The following CTNNA2 variants were observed in gnomAD, a reference collection of about 807,000 sequenced individuals.
The protein encoded by CTNNA2 is catenin alpha 2.
Under a neutral mutation model 101.0 loss-of-function variants are expected in CTNNA2, and 42 were observed. The ratio of observed to expected loss-of-function variants is 0.42; its 90% confidence interval spans 0.32 to 0.54. CTNNA2 has a LOEUF of 0.54. CTNNA2 is among the 20% of genes least tolerant of loss of function. CTNNA2 has a pLI of 0.14. For synonymous variants in CTNNA2, 450 were observed against 456.4 expected, an observed-to-expected ratio of 0.99 and a Z score of 0.18; for missense variants, 871 against 1,223.1, an observed-to-expected ratio of 0.71 and a Z score of 4.29.
At chr2:80,535,563 G>T (rs1690938517) in intron 9 of CTNNA2, among the ~76,000 whole-genome samples, 1 of 152,132 alleles carries the variant, frequency 6.6e-6, no homozygotes, top group Non-Finnish European at 1.5e-5. Context: ...TAAACCCTGG[G>T]CTGCTTGACT....
intron 2 of CTNNA2, among the ~76,000 whole-genome samples, chr2:79,249,495 A>G (rs952161170): frequency 6.6e-6 from 1 of 152,268 alleles, no homozygotes; most frequent in African/African-American, 2.4e-5. Context: ...AAGATTACCA[A>G]CTTTCCCTGG....
intron 9 of CTNNA2, among the ~76,000 whole-genome samples, chr2:80,422,885 A>C: frequency 7.2e-6 from 1 of 139,234 alleles, no homozygotes; most frequent in African/African-American, 3.4e-5. Flanking sequence ...GAAAGGTTTA[A>C]AATCATATGA....
Position 79,751,420 on chromosome 2 carries a change from C to G in CTNNA2, c.298+6838C>G, listed in dbSNP as rs183650091. The stretch of plus-strand genomic sequence containing the variant: ...ACTAGCCTGACCAACATAGTGAAAC[C>G]CCGTCTCTACTAAAAATTCAAAATA... On this transcript the variant is annotated intron_variant, in intron 3 of 18. Coordinates refer to ENST00000402739, the MANE Select transcript of CTNNA2 (RefSeq NM_001282597.3). Among the ~76,000 whole-genome samples, 1,316 of 151,664 alleles carry G rather than the reference C, an allele frequency of 8.7e-3. 7 individuals carry two copies. The highest frequency in any genetic ancestry group is 0.02 in the South Asian group (96 of 4,786).
At chr2:80,377,103 A>T (rs111516990) in intron 7 of CTNNA2, among the ~76,000 whole-genome samples, 3,311 of 152,328 alleles carry the variant, frequency 0.022, 50 homozygotes, top group Middle Eastern at 0.037. Flanking sequence ...TGCCTCATAT[A>T]TGAGTATGTC....
At chr2:80,333,652 G>T (rs1348775075) in intron 7 of CTNNA2, among the ~76,000 whole-genome samples, 1 of 152,094 alleles carries the variant, frequency 6.6e-6, no homozygotes, top group Non-Finnish European at 1.5e-5. Context: ...GGTGGTGGGG[G>T]GGATGGAGTC....
At chr2:80,079,861 A>T (rs1178660815) in intron 7 of CTNNA2, among the ~76,000 whole-genome samples, 1 of 145,632 alleles carries the variant, frequency 6.9e-6, no homozygotes, top group African/African-American at 2.5e-5. Flanking sequence ...ATAAAATAAA[A>T]TAAAATAAAA....
chr2:79,259,309 C>T (rs140950796), intron 2 of CTNNA2, among the ~76,000 whole-genome samples: 2 of 152,194 alleles, frequency 1.3e-5, no homozygotes, highest in Admixed American at 6.5e-5. Flanking sequence ...CACACACCTA[C>T]TTCCTCAACT....
chr2:80,547,829 A>G (rs189544267), intron 11 of CTNNA2, among the ~76,000 whole-genome samples: 4 of 151,906 alleles, frequency 2.6e-5, no homozygotes, highest in Admixed American at 2.6e-4. Flanking sequence ...AGCTGGGATT[A>G]CAGGCGTGAG....
At chr2:80,545,883 C>A in intron 10 of CTNNA2, 24 bp from the exon 11 acceptor site, 29 of 1,610,468 alleles carry the variant, frequency 1.8e-5, no homozygotes, top group Non-Finnish European at 2.5e-5. Flanking sequence ...GTCATCATGT[C>A]CCTGGATTGT....
intron 3 of CTNNA2, among the ~76,000 whole-genome samples, chr2:79,771,473 C>A (rs1301877355): frequency 6.6e-6 from 1 of 152,186 alleles, no homozygotes; most frequent in African/African-American, 2.4e-5. Flanking sequence ...AATTATACAA[C>A]TCACCATAAT....
chr2:80,179,854 G>A (rs1822553), intron 7 of CTNNA2, among the ~76,000 whole-genome samples: 27,686 of 152,038 alleles, frequency 0.18, 3,309 homozygotes, highest in East Asian at 0.48. Context: ...GCCAATGTGG[G>A]GGTTCTGCCA....
intron 4 of CTNNA2, among the ~76,000 whole-genome samples, chr2:79,382,602 A>G (rs1293388145): frequency 6.6e-6 from 1 of 152,172 alleles, no homozygotes; most frequent in Non-Finnish European, 1.5e-5. Context: ...TCCCAAAATA[A>G]AATAAACTAT....
chr2:79,431,314 C>G (rs1678657148), intron 4 of CTNNA2, among the ~76,000 whole-genome samples: 1 of 152,080 alleles, frequency 6.6e-6, no homozygotes, highest in African/African-American at 2.4e-5. Context: ...TAGCCTAATG[C>G]AGGTAACACT....
intron 5 of CTNNA2, among the ~76,000 whole-genome samples, chr2:79,871,907 ATTAT>A (rs1318557418): frequency 1.3e-5 from 2 of 152,226 alleles, no homozygotes; most frequent in Non-Finnish European, 2.9e-5. Flanking sequence ...AAATGCCTAC[ATTAT>A]TTATTTTTAC....
intron 1 of CTNNA2, among the ~76,000 whole-genome samples, chr2:79,635,390 C>T (rs1323946847): frequency 2.0e-5 from 3 of 151,802 alleles, no homozygotes; most frequent in Admixed American, 1.3e-4. Flanking sequence ...CGAGATCGTG[C>T]CACTGCACTC....
chr2:79,646,524 CTTTT>C (rs67454188), intron 1 of CTNNA2, among the ~76,000 whole-genome samples: 2 of 106,138 alleles, frequency 1.9e-5, no homozygotes. Flanking sequence ...TTCTTTCTGT[CTTTT>C]TTTTTTTTTT....
At chr2:80,456,032 G>C (rs1683947597) in intron 9 of CTNNA2, among the ~76,000 whole-genome samples, 2 of 152,174 alleles carry the variant, frequency 1.3e-5, no homozygotes, top group South Asian at 4.1e-4. Context: ...CCAGTGAGAA[G>C]TTACTTTCCT....
chr2:80,400,411 C>A (rs932375377), intron 8 of CTNNA2, among the ~76,000 whole-genome samples: 1 of 152,156 alleles, frequency 6.6e-6, no homozygotes, highest in Admixed American at 6.5e-5. Context: ...AGGATGTCCT[C>A]ATATTGTGCC....
chr2:79,770,076 A>G (rs1182154753), intron 3 of CTNNA2, among the ~76,000 whole-genome samples: 2 of 152,184 alleles, frequency 1.3e-5, no homozygotes, highest in Admixed American at 6.5e-5. Context: ...ACATTTGACA[A>G]TGTATGGAGG....
Sources: gnomAD v4.1 joint callset for allele counts (sites outside exome capture counted in the v4.1 genomes callset) on GRCh38, gnomAD v4.1.1 for gene constraint, MANE v1.5 for transcripts, NCBI Gene and HGNC (gene_info 2026-07-23, HGNC 2026-07-21) for gene names.